CHSY1: variants seen among roughly 807,000 people sequenced by gnomAD.
CHSY1 encodes the protein chondroitin sulfate synthase 1.
Under a neutral mutation model 59.8 loss-of-function variants are expected in CHSY1, and 13 were observed. The ratio of observed to expected loss-of-function variants is 0.22; its 90% CI spans 0.14 to 0.35. The LOEUF (loss-of-function observed/expected upper bound fraction) is 0.35, where lower values mean the gene tolerates loss of function less well. Among genes scored for constraint, CHSY1 ranks in the 10% least tolerant of loss-of-function variants. The probability of loss-of-function intolerance (pLI) is 1.00; values close to 1 mark genes in which losing one functional copy is unlikely to be tolerated. For synonymous variants in CHSY1, 459 were observed against 401.2 expected, an observed-to-expected ratio of 1.14 and a Z score of -1.72; for missense variants, 947 against 1,030.6, an observed-to-expected ratio of 0.92 and a Z score of 1.11.
intron 2 of CHSY1, among the ~76,000 whole-genome samples, chr15:101,225,853 A>G (rs752164423): frequency 2.0e-5 from 3 of 152,200 alleles, no homozygotes; most frequent in Non-Finnish European, 4.4e-5. Context: ...TGTGATCTCA[A>G]TCTCTTCAAA....
intron 2 of CHSY1, among the ~76,000 whole-genome samples, chr15:101,196,948 T>A (rs2038514404): frequency 6.6e-6 from 1 of 152,254 alleles, no homozygotes; most frequent in Admixed American, 6.5e-5. Context: ...TACTGGTACA[T>A]TCCTAGAACA....
intron 2 of CHSY1, among the ~76,000 whole-genome samples, chr15:101,179,576 C>G (rs1168801637): frequency 6.6e-6 from 1 of 152,232 alleles, no homozygotes; most frequent in East Asian, 1.9e-4. Context: ...AGCAAAAGCA[C>G]ACGCTGAAAA....
intron 2 of CHSY1, among the ~76,000 whole-genome samples, chr15:101,216,034 G>A (rs1376612687): frequency 2.6e-5 from 4 of 152,022 alleles, no homozygotes; most frequent in African/African-American, 4.8e-5. Context: ...TTAGTCAGGC[G>A]TAAACATGCC....
At chr15:101,185,854 C>A (rs560774786) in intron 2 of CHSY1, among the ~76,000 whole-genome samples, 1 of 151,984 alleles carries the variant, frequency 6.6e-6, no homozygotes, top group South Asian at 2.1e-4. Context: ...TTGCTCTAGG[C>A]ACATCAAGGA....
intron 2 of CHSY1, among the ~76,000 whole-genome samples, chr15:101,230,307 G>A (rs1271298691): frequency 3.9e-5 from 6 of 152,168 alleles, no homozygotes; most frequent in Non-Finnish European, 7.3e-5. Flanking sequence ...CTGAGGGTCT[G>A]CCTGGTTCTC....
At chr15:101,201,559 C>T (rs2038574567) in intron 2 of CHSY1, among the ~76,000 whole-genome samples, 2 of 152,148 alleles carry the variant, frequency 1.3e-5, no homozygotes, top group East Asian at 1.9e-4. Context: ...TTCCAGCAGG[C>T]GGTTGGGCAG....
At chr15:101,215,682 C>G (rs551884348) in intron 2 of CHSY1, among the ~76,000 whole-genome samples, 1 of 152,372 alleles carries the variant, frequency 6.6e-6, no homozygotes, top group South Asian at 2.1e-4. Flanking sequence ...CTGCAGTGAG[C>G]TGAGACTGCA....
At chr15:101,241,480 T>C (rs2039000848) in intron 1 of CHSY1, among the ~76,000 whole-genome samples, 1 of 152,228 alleles carries the variant, frequency 6.6e-6, no homozygotes, top group African/African-American at 2.4e-5. Context: ...GCAAAAGCTT[T>C]GAGGCTAACA....
intron 1 of CHSY1, among the ~76,000 whole-genome samples, chr15:101,241,598 C>A (rs1596455231): frequency 6.6e-6 from 1 of 152,114 alleles, no homozygotes; most frequent in South Asian, 2.1e-4. Context: ...AAGATTGAGT[C>A]GTTTCAATTG....
At position 101,251,120 on chromosome 15, in the gene CHSY1, G is replaced by A. The variant is rs1449567688; in HGVS notation, c.320+17C>T. 7.7e-6 allele frequency: 12 copies of A among 1,562,088 alleles called. No homozygotes were observed. In the East Asian group the frequency reaches 2.6e-4, roughly 34 times the overall value. On this transcript the variant is annotated intron_variant, in intron 1 of 2. Coordinates refer to ENST00000254190, the MANE Select transcript of CHSY1 (RefSeq NM_014918.5). ...ATGCCGGACGCAGGAGGCGGTGCCC[G>A]GGGAGCAGGGGCTCACCTGTAGGCG...
At chr15:101,184,939 A>C (rs906925673) in intron 2 of CHSY1, among the ~76,000 whole-genome samples, 1 of 152,196 alleles carries the variant, frequency 6.6e-6, no homozygotes, top group Non-Finnish European at 1.5e-5. Flanking sequence ...AAAAATCTAA[A>C]CTCACGTCAA....
chr15:101,180,787 AACC>A (rs564681188), intron 2 of CHSY1, among the ~76,000 whole-genome samples: 22 of 152,296 alleles, frequency 1.4e-4, no homozygotes, highest in African/African-American at 5.3e-4. Context: ...GGCTTGGATG[AACC>A]ACGTTAACTT....
At chr15:101,234,420 T>C (rs754424073) in intron 2 of CHSY1, among the ~76,000 whole-genome samples, 1 of 152,206 alleles carries the variant, frequency 6.6e-6, no homozygotes, top group South Asian at 2.1e-4. Flanking sequence ...AATAGGGAGA[T>C]ATCCTACATT....
rs537145128 is a variant in CHSY1, at chr15:101,224,194, C to T, written c.816+10888G>A. On this transcript the variant is annotated intron_variant, in intron 2 of 2. Coordinates refer to ENST00000254190, the MANE Select transcript of CHSY1 (RefSeq NM_014918.5). ...TACAACAAAATCACCTGAGGATATA[C>T]TTTTCAGAATGCATCCCTGTCATTA... Among the ~76,000 whole-genome samples, 6 of 152,326 alleles carry T rather than the reference C, an allele frequency of 3.9e-5. No individual in the cohort carries two copies. The South Asian group carries it at 1.2e-3, about 32-fold the overall frequency.
At position 101,178,916 on chromosome 15, in the gene CHSY1, T is replaced by C. The variant is rs2038236892; in HGVS notation, c.881A>G (p.Asn294Ser). 6.2e-7 allele frequency: 1 copy of C among 1,613,950 alleles called. No individual in the cohort carries two copies. The highest frequency in any genetic ancestry group is 8.5e-7 in the Non-Finnish European group (1 of 1,179,936). Residue 294 changes from asparagine to serine, a missense_variant, in exon 3 of 3, where the codon AAC becomes AGC. Around this residue, in one of 4 missense-constraint regions of CHSY1, gnomAD observed 602 missense variants for 676.9 expected, o/e 0.89. Transcript: ENST00000254190. ...NKKGYIRDLHNSKIHQAITLH... is the reference protein window; with the variant it reads ...NKKGYIRDLHSSKIHQAITLH... ...TGTGATAGCTTGGTGAATTTTACTG[T>C]TATGGAGATCTCTAATGTACCCCTT...
chr15:101,217,720 TG>T (rs1476247274), intron 2 of CHSY1, among the ~76,000 whole-genome samples: 1 of 152,164 alleles, frequency 6.6e-6, no homozygotes, highest in Non-Finnish European at 1.5e-5. Flanking sequence ...TAAATACGCA[TG>T]GGGCCATATT....
chr15:101,221,345 T>G (rs193145059), intron 2 of CHSY1, among the ~76,000 whole-genome samples: 2 of 152,028 alleles, frequency 1.3e-5, no homozygotes, highest in African/African-American at 4.8e-5. Context: ...CAACAACAAT[T>G]AGCCAGGTGT....
At chr15:101,218,518 T>C (rs2038757483) in intron 2 of CHSY1, among the ~76,000 whole-genome samples, 2 of 152,176 alleles carry the variant, frequency 1.3e-5, no homozygotes, top group African/African-American at 4.8e-5. Flanking sequence ...ATCACTTGAA[T>C]GCAGGAGAAT....
chr15:101,224,189 A>G lies in CHSY1; in HGVS notation c.816+10893T>C, dbSNP rs182138554. Among the ~76,000 whole-genome samples the G allele has an allele frequency of 1.4e-4, 22 of 152,332 alleles. No individual in the cohort carries two copies. The East Asian group carries it at 4.2e-3, about 29-fold the overall frequency. On this transcript the variant is annotated intron_variant, in intron 2 of 2. Transcript: ENST00000254190. Reference sequence around the variant, plus strand: ...GTTTATACAACAAAATCACCTGAGGATATACTTTTCAGAATGCATCCCTGT... The same window carrying G: ...GTTTATACAACAAAATCACCTGAGGGTATACTTTTCAGAATGCATCCCTGT...
Sources: allele counts gnomAD v4.1 joint callset (sites outside exome capture counted in the v4.1 genomes callset), GRCh38; gene constraint gnomAD v4.1.1; regional missense constraint gnomAD v4.1.1; transcripts MANE v1.5; gene names NCBI Gene and HGNC (gene_info 2026-07-23, HGNC 2026-07-21).